The following BRINP3 variants were observed in gnomAD, a reference collection of about 807,000 sequenced individuals.
The protein encoded by BRINP3 is BMP/retinoic acid inducible neural specific 3.
Under a neutral mutation model 71.0 loss-of-function variants are expected in BRINP3, and 19 were observed. That is an observed-to-expected ratio of 0.27 (90% confidence interval 0.19 to 0.39). BRINP3 has a LOEUF of 0.39. Among genes scored for constraint, BRINP3 ranks in the 10% least tolerant of loss-of-function variants. The probability of loss-of-function intolerance (pLI) is 1.00; values close to 1 mark genes in which losing one functional copy is unlikely to be tolerated. For missense variants in BRINP3, 959 were observed against 940.8 expected (o/e 1.02, Z -0.25); for synonymous variants, 380 against 337.7 (o/e 1.13, Z -1.37).
In BRINP3 at chr1:190,464,146, T is replaced by TA. The variant is rs869097577; in HGVS notation, c.-50-9207dup. On this transcript the variant is annotated intron_variant, in intron 1 of 7. Transcript: ENST00000367462. ...ACGTCTTTCAAAAAGTGTTTTTTTT[T>TA]AAAAAAAAAAGTAAACTAAAAGTTA... Among the ~76,000 whole-genome samples the TA allele has an allele frequency of 9.7e-3, 1,455 of 149,494 alleles. 20 individuals are homozygous for TA. The highest frequency in any genetic ancestry group is 0.031 in the African/African-American group (1,284 of 40,866).
intron 2 of BRINP3, among the ~76,000 whole-genome samples, chr1:190,321,747 T>C (rs1043584450): frequency 2.6e-5 from 4 of 152,082 alleles, no homozygotes; most frequent in African/African-American, 9.7e-5. Flanking sequence ...TTTTTGAAAA[T>C]TATTATACTG....
At chr1:190,244,613 T>C (rs991778335) in intron 4 of BRINP3, among the ~76,000 whole-genome samples, 2 of 152,108 alleles carry the variant, frequency 1.3e-5, no homozygotes, top group Non-Finnish European at 2.9e-5. Context: ...CAGCTAGCAG[T>C]GCACACAAAG....
At chr1:190,405,581 T>C (rs1672231625) in intron 2 of BRINP3, among the ~76,000 whole-genome samples, 6 of 147,500 alleles carry the variant, frequency 4.1e-5, no homozygotes, top group Admixed American at 3.4e-4. Context: ...TCACAGAGAA[T>C]GGAGCTTGGA....
At chr1:190,414,882 G>C (rs1672914962) in intron 2 of BRINP3, among the ~76,000 whole-genome samples, 1 of 152,132 alleles carries the variant, frequency 6.6e-6, no homozygotes, top group Admixed American at 6.5e-5. Context: ...GACATTTGTT[G>C]CCAATCTTAT....
At chr1:190,155,024 G>A (rs1347447085) in intron 7 of BRINP3, among the ~76,000 whole-genome samples, 2 of 152,104 alleles carry the variant, frequency 1.3e-5, no homozygotes, top group Non-Finnish European at 2.9e-5. Context: ...CTAGAAGACT[G>A]ACAGCTTTCT....
At chr1:190,192,001 TAAA>T (rs548338764) in intron 6 of BRINP3, among the ~76,000 whole-genome samples, 1 of 151,590 alleles carries the variant, frequency 6.6e-6, no homozygotes, top group Non-Finnish European at 1.5e-5. Context: ...TTTCAAGATT[TAAA>T]AAAAAATCTG....
In BRINP3 at chr1:190,331,036, C is replaced by G. The variant is rs113674905; in HGVS notation, c.237-49286G>C. On this transcript the variant is annotated intron_variant, in intron 2 of 7. Coordinates refer to ENST00000367462, the MANE Select transcript of BRINP3 (RefSeq NM_199051.3). ...ATATTGATCACTAGCATCCGAACTT[C>G]AGCATCATGCAACAGACTCAGGTAA... 2.1e-3 allele frequency among the ~76,000 whole-genome samples: 326 copies of G among 151,936 alleles called. 1 individual carries two copies. Among genetic ancestry groups the G allele is most frequent in the Non-Finnish European group, 3.9e-3 (263 of 67,930 alleles).
At chr1:190,254,692 C>T (rs1183897288) in intron 4 of BRINP3, among the ~76,000 whole-genome samples, 1 of 152,142 alleles carries the variant, frequency 6.6e-6, no homozygotes, top group Admixed American at 6.6e-5. Context: ...ATGGGGTTTT[C>T]TAAATATACA....
At chr1:190,450,125 G>A (rs1025189528) in intron 2 of BRINP3, among the ~76,000 whole-genome samples, 6 of 152,100 alleles carry the variant, frequency 3.9e-5, no homozygotes, top group Non-Finnish European at 8.8e-5. Context: ...CATGGTGAGA[G>A]AGAGAGATCA....
intron 7 of BRINP3, among the ~76,000 whole-genome samples, chr1:190,117,596 T>A (rs1256318754): frequency 6.6e-6 from 1 of 152,012 alleles, no homozygotes; most frequent in African/African-American, 2.4e-5. Flanking sequence ...AGATCTCAAG[T>A]AATTTCACCT....
At chr1:190,277,337 G>T (rs565982905) in intron 3 of BRINP3, among the ~76,000 whole-genome samples, 287 of 150,876 alleles carry the variant, frequency 1.9e-3, no homozygotes, top group African/African-American at 6.8e-3. Flanking sequence ...GCTTTGTTCT[G>T]CTCCTCACTG....
intron 7 of BRINP3, among the ~76,000 whole-genome samples, chr1:190,158,502 T>C (rs923233904): frequency 6.6e-6 from 1 of 152,054 alleles, no homozygotes; most frequent in South Asian, 2.1e-4. Context: ...TGAAAACCAC[T>C]GGGTACTATG....
chr1:190,444,381 T>C (rs892263461), intron 2 of BRINP3, among the ~76,000 whole-genome samples: 5 of 151,810 alleles, frequency 3.3e-5, no homozygotes, highest in Admixed American at 3.3e-4. Flanking sequence ...TTCACTGGTA[T>C]AAAGTCTCTT....
chr1:190,386,530 ATC>A (rs1391622234), intron 2 of BRINP3, among the ~76,000 whole-genome samples: 2 of 151,990 alleles, frequency 1.3e-5, no homozygotes, highest in Non-Finnish European at 2.9e-5. Flanking sequence ...TTCTCTTTAA[ATC>A]TCTGTTAGTG....
At chr1:190,423,523 T>C (rs1322297489) in intron 2 of BRINP3, among the ~76,000 whole-genome samples, 1 of 151,850 alleles carries the variant, frequency 6.6e-6, no homozygotes, top group Non-Finnish European at 1.5e-5. Context: ...CAGCATACAA[T>C]GCCAAACATT....
At chr1:190,451,815 G>T (rs1675626506) in intron 2 of BRINP3, among the ~76,000 whole-genome samples, 3 of 152,100 alleles carry the variant, frequency 2.0e-5, no homozygotes, top group South Asian at 4.1e-4. Context: ...TTTGATTGTT[G>T]TGTCCTTGCC....
chr1:190,313,178 G>C (rs1474609011), intron 2 of BRINP3, among the ~76,000 whole-genome samples: 2 of 151,788 alleles, frequency 1.3e-5, no homozygotes, highest in East Asian at 3.9e-4. Flanking sequence ...AGATAAAATT[G>C]GCTAACTACA....
chr1:190,229,021 A>T (rs1657680193), intron 5 of BRINP3, among the ~76,000 whole-genome samples: 1 of 152,046 alleles, frequency 6.6e-6, no homozygotes, highest in South Asian at 2.1e-4. Flanking sequence ...CCACCTTCTC[A>T]TGGAACCAAC....
chr1:190,296,640 A>G lies in BRINP3; in HGVS notation c.237-14890T>C, dbSNP rs370916615. Among the ~76,000 whole-genome samples, 7 of 152,258 alleles carry G rather than the reference A, an allele frequency of 4.6e-5. No homozygotes were observed. The East Asian group carries it at 7.7e-4, about 17-fold the overall frequency. On this transcript the variant is annotated intron_variant, in intron 2 of 7. Transcript: ENST00000367462. ...GGAAGCTAAACTGTCTCTATTGCAG[A>G]TGACGTAATCTTACACAAAGAAAAC...
Sources: gnomAD v4.1 joint callset for allele counts (sites outside exome capture counted in the v4.1 genomes callset) on GRCh38, gnomAD v4.1.1 for gene constraint, MANE v1.5 for transcripts, NCBI Gene and HGNC (gene_info 2026-07-23, HGNC 2026-07-21) for gene names.